Variants in VPS50 observed in about 807,000 individuals in gnomAD.
VPS50 encodes the protein syndetin.
Under a neutral mutation model 139.7 loss-of-function variants are expected in VPS50, and 70 were observed. That is an observed-to-expected ratio of 0.50 (90% CI 0.41 to 0.61). The LOEUF (loss-of-function observed/expected upper bound fraction) is 0.61, where lower values mean the gene tolerates loss of function less well. VPS50 is among the 20% of genes least tolerant of loss of function. The pLI, the probability that VPS50 is intolerant of heterozygous loss-of-function variation, is 0.00. For missense variants in VPS50, 921 were observed against 1,133.7 expected, an observed-to-expected ratio of 0.81 and a Z score of 2.69; for synonymous variants, 365 against 376.7, an observed-to-expected ratio of 0.97 and a Z score of 0.36.
At chr7:93,278,383 G>T (rs576557472) in intron 12 of VPS50, among the ~76,000 whole-genome samples, 1 of 151,616 alleles carries the variant, frequency 6.6e-6, no homozygotes, top group Admixed American at 6.6e-5. Context: ...GAGGCCAGGG[G>T]TTCAAGACCA....
chr7:93,326,657 A>G lies in VPS50; in HGVS notation c.1977+2925A>G, dbSNP rs543168081. Among the ~76,000 whole-genome samples the G allele has an allele frequency of 3.9e-5, 6 of 152,108 alleles. No individual in the cohort carries two copies. In the East Asian group the frequency reaches 1.2e-3, roughly 29 times the overall value. The stretch of plus-strand genomic sequence containing the variant: ...CTTTTTCTGCTACTCACAGAAAATA[A>G]CACAATATTAGGCAGGTAACTAATT... On this transcript the variant is annotated intron_variant, in intron 21 of 27. Transcript: ENST00000305866.
chr7:93,303,612 GAAA>G, intron 17 of VPS50, 62 bp downstream of exon 17: 1 of 623,652 alleles, frequency 1.6e-6, no homozygotes, highest in Non-Finnish European at 2.7e-6. Context: ...CCTTTTTTTT[GAAA>G]AAAAAAATCC....
At chr7:93,277,365 A>G (rs964369419) in intron 12 of VPS50, among the ~76,000 whole-genome samples, 4 of 152,222 alleles carry the variant, frequency 2.6e-5, no homozygotes, top group Non-Finnish European at 4.4e-5. Context: ...AGAATGCGCT[A>G]TGTCTCTCAC....
chr7:93,294,159 A>G (rs1249182968), intron 13 of VPS50, among the ~76,000 whole-genome samples: 1 of 152,194 alleles, frequency 6.6e-6, no homozygotes, highest in East Asian at 1.9e-4. Context: ...AATGTAGACT[A>G]TCCTCTTAGC....
At chr7:93,315,428 G>A (rs1046350477) in intron 20 of VPS50, among the ~76,000 whole-genome samples, 2 of 151,980 alleles carry the variant, frequency 1.3e-5, no homozygotes, top group African/African-American at 2.4e-5. Flanking sequence ...ACTTCCTCTC[G>A]CTGGATCAAA....
At chr7:93,338,650 A>C (rs1798130866) in intron 22 of VPS50, among the ~76,000 whole-genome samples, 1 of 152,184 alleles carries the variant, frequency 6.6e-6, no homozygotes, top group South Asian at 2.1e-4. Context: ...TTTGGGGAAC[A>C]GTGTTTTAGG....
chr7:93,293,112 C>T (rs180818242), intron 13 of VPS50, among the ~76,000 whole-genome samples: 13 of 152,164 alleles, frequency 8.5e-5, no homozygotes, highest in South Asian at 2.1e-4. Context: ...AGAGTAGTAA[C>T]GCATCTACCC....
At chr7:93,337,142 A>G (rs1798089961) in intron 22 of VPS50, among the ~76,000 whole-genome samples, 1 of 152,224 alleles carries the variant, frequency 6.6e-6, no homozygotes, top group Non-Finnish European at 1.5e-5. Context: ...ATATAAACAC[A>G]GAACTTTAGT....
chr7:93,313,811 A>C (rs1424169101), intron 20 of VPS50, among the ~76,000 whole-genome samples: 4 of 152,218 alleles, frequency 2.6e-5, no homozygotes, highest in Non-Finnish European at 5.9e-5. Context: ...TACTCTGTGA[A>C]GAGAATTTGA....
intron 20 of VPS50, among the ~76,000 whole-genome samples, chr7:93,318,551 C>T (rs1797499760): frequency 6.6e-6 from 1 of 152,146 alleles, no homozygotes; most frequent in African/African-American, 2.4e-5. Context: ...ATTCTTCCAA[C>T]TCAGAATCTA....
intron 23 of VPS50, among the ~76,000 whole-genome samples, chr7:93,344,872 A>G (rs1463577855): frequency 6.6e-6 from 1 of 152,048 alleles, no homozygotes. Context: ...CACAAGAGAA[A>G]GCAGGAAAGA....
In VPS50 at chr7:93,334,139, TTAG is replaced by T. The variant is rs1413441200; in HGVS notation, c.2010_2012del (p.Ser670del). 7 of 1,599,102 alleles carry T rather than the reference TTAG, an allele frequency of 4.4e-6. No individual in the cohort carries two copies. The highest frequency in any genetic ancestry group is 1.1e-5 in the South Asian group (1 of 89,706). On this transcript the variant is annotated inframe_deletion, in exon 22 of 28. Coordinates refer to ENST00000305866, the MANE Select transcript of VPS50 (RefSeq NM_017667.4). ...CAGTTGGAATCAACTGGACTCGGCC[TTAG>T]TAGTAGTAGACTAAGAACAACTCTA...
chr7:93,328,108 A>G (rs556911774), intron 21 of VPS50, among the ~76,000 whole-genome samples: 1 of 152,224 alleles, frequency 6.6e-6, no homozygotes, highest in East Asian at 1.9e-4. Flanking sequence ...GCTCTATTTT[A>G]TATCTGATCC....
chr7:93,338,414 TAGAGA>T (rs1160039720), intron 22 of VPS50, among the ~76,000 whole-genome samples: 1 of 152,142 alleles, frequency 6.6e-6, no homozygotes, highest in African/African-American at 2.4e-5. Context: ...TTTGGGCAGT[TAGAGA>T]AGATCCCTCT....
chr7:93,302,566 A>T (rs896824487), intron 16 of VPS50, among the ~76,000 whole-genome samples: 1 of 151,838 alleles, frequency 6.6e-6, no homozygotes, highest in South Asian at 2.1e-4. Flanking sequence ...TCCATTTTAT[A>T]CATTTTTTTC....
chr7:93,354,391 T>G (rs1008079237), intron 26 of VPS50, among the ~76,000 whole-genome samples: 11 of 151,802 alleles, frequency 7.2e-5, no homozygotes, highest in Non-Finnish European at 5.9e-5. Context: ...CCTCCTGGGC[T>G]CAAGCAATTC....
intron 4 of VPS50, among the ~76,000 whole-genome samples, chr7:93,256,020 A>G (rs2116831915): frequency 6.6e-6 from 1 of 152,340 alleles, no homozygotes. Flanking sequence ...TAGCGTTCCA[A>G]AAAACATGTT....
At chr7:93,304,884 A>G (rs1191515075) in intron 17 of VPS50, among the ~76,000 whole-genome samples, 1 of 151,872 alleles carries the variant, frequency 6.6e-6, no homozygotes, top group Non-Finnish European at 1.5e-5. Context: ...AAATAATGGC[A>G]TGATTCTTAG....
At chr7:93,288,333 G>A (rs1320222847) in intron 12 of VPS50, among the ~76,000 whole-genome samples, 1 of 152,126 alleles carries the variant, frequency 6.6e-6, no homozygotes, top group South Asian at 2.1e-4. Context: ...TTTCACAGCT[G>A]CAAAGTACTC....
Sources: allele counts gnomAD v4.1 joint callset (sites outside exome capture counted in the v4.1 genomes callset), GRCh38; gene constraint gnomAD v4.1.1; transcripts MANE v1.5; gene names NCBI Gene and HGNC (gene_info 2026-07-23, HGNC 2026-07-21).